The following PTPRD variants were observed in gnomAD, a reference collection of about 807,000 sequenced individuals.
PTPRD encodes receptor-type tyrosine-protein phosphatase delta.
PTPRD carries 34 observed loss-of-function variants against 214.5 expected under a neutral mutation model. The observed-to-expected ratio is 0.16, with a 90% confidence interval of 0.12 to 0.21. PTPRD has a LOEUF of 0.21. PTPRD is among the 10% of genes least tolerant of loss of function. PTPRD has a pLI of 1.00. For missense variants in PTPRD, 2,545 were observed against 2,398.7 expected, an observed-to-expected ratio of 1.06 and a Z score of -1.27; for synonymous variants, 1,128 against 845.7, an observed-to-expected ratio of 1.33 and a Z score of -5.79.
rs971169069 is a variant in PTPRD at position 10,097,350 on chromosome 9, T to C, written c.-544-63560A>G. Among the ~76,000 whole-genome samples the C allele has an allele frequency of 6.2e-5, 8 of 128,110 alleles. No individual in the cohort carries two copies. The South Asian group carries it at 1.2e-3, about 19-fold the overall frequency. The allele number at this position is 128,110 out of a possible 152,430, so 84.0% of individuals were successfully genotyped here. A position where few individuals can be genotyped will look rare whatever the true frequency, so the allele number is the denominator to read the frequency against. On this transcript the variant is annotated intron_variant, in intron 3 of 45. Coordinates refer to ENST00000381196, the MANE Select transcript of PTPRD (RefSeq NM_002839.4). ...GGGCAGTATGGCCATTTTCACAACA[T>C]TGATTCTTCCTACCCATGAGCATGG...
intron 5 of PTPRD, among the ~76,000 whole-genome samples, chr9:9,885,216 T>A (rs1469951035): frequency 2.0e-5 from 3 of 152,030 alleles, no homozygotes; most frequent in South Asian, 4.1e-4. Flanking sequence ...AGTATTAATA[T>A]ATTGAATAAA....
At chr9:9,823,419 T>A (rs1162862752) in intron 5 of PTPRD, among the ~76,000 whole-genome samples, 1 of 152,052 alleles carries the variant, frequency 6.6e-6, no homozygotes, top group East Asian at 1.9e-4. Context: ...CCTGGAGGGA[T>A]CTGTCCCCAT....
At chr9:9,052,109 G>C (rs909596113) in intron 10 of PTPRD, among the ~76,000 whole-genome samples, 2 of 152,174 alleles carry the variant, frequency 1.3e-5, no homozygotes, top group African/African-American at 4.8e-5. Context: ...GTGGTGTGGT[G>C]TTGTTACAGC....
intron 6 of PTPRD, among the ~76,000 whole-genome samples, chr9:9,742,602 G>C (rs548357665): frequency 4.0e-5 from 6 of 151,850 alleles, no homozygotes; most frequent in East Asian, 1.9e-4. Context: ...AAACTTTGAG[G>C]TCATCAGAGA....
Position 9,950,948 on chromosome 9 carries a change from G to C in PTPRD, c.-471-12338C>G, listed in dbSNP as rs538398018. On this transcript the variant is annotated intron_variant, in intron 4 of 45. Transcript: ENST00000381196. ...GTTAAAGCATTTGAAATCAGGCATA[G>C]CAGCAGAAAGCTGACTCTAAGAATA... 2.2e-4 allele frequency among the ~76,000 whole-genome samples: 33 copies of C among 152,232 alleles called. 1 individual carries two copies. The South Asian group carries it at 6.6e-3, about 31-fold the overall frequency.
At chr9:10,176,248 A>C (rs757337683) in intron 3 of PTPRD, among the ~76,000 whole-genome samples, 5 of 151,822 alleles carry the variant, frequency 3.3e-5, no homozygotes, top group Non-Finnish European at 7.4e-5. Context: ...TTTTTATATA[A>C]ATTTTTTTTC....
intron 2 of PTPRD, among the ~76,000 whole-genome samples, chr9:10,601,611 T>G (rs1316974250): frequency 1.3e-5 from 2 of 151,804 alleles, no homozygotes; most frequent in Non-Finnish European, 2.9e-5. Flanking sequence ...ACTTTGGACC[T>G]GAATTTTATA....
intron 35 of PTPRD, among the ~76,000 whole-genome samples, chr9:8,411,275 T>C (rs972669659): frequency 6.6e-6 from 1 of 151,916 alleles, no homozygotes; most frequent in East Asian, 1.9e-4. Flanking sequence ...TTTTACTATA[T>C]ACTTTTTTAA....
At chr9:9,676,518 G>A (rs1416583376) in intron 7 of PTPRD, among the ~76,000 whole-genome samples, 2 of 151,944 alleles carry the variant, frequency 1.3e-5, no homozygotes, top group Non-Finnish European at 2.9e-5. Context: ...TCTTAATCCA[G>A]TCTACCATTG....
At chr9:8,398,312 G>C (rs905443824) in intron 36 of PTPRD, among the ~76,000 whole-genome samples, 5 of 152,108 alleles carry the variant, frequency 3.3e-5, no homozygotes, top group African/African-American at 9.7e-5. Flanking sequence ...AGGAAAGCAA[G>C]GCTCAGCAAC....
At chr9:10,461,060 A>G (rs1167278507) in intron 2 of PTPRD, among the ~76,000 whole-genome samples, 1 of 152,110 alleles carries the variant, frequency 6.6e-6, no homozygotes, top group Non-Finnish European at 1.5e-5. Context: ...GAAATATATA[A>G]CCTGATTAAA....
chr9:8,517,124 G>A (rs1360696921), intron 21 of PTPRD, among the ~76,000 whole-genome samples: 7 of 150,480 alleles, frequency 4.7e-5, no homozygotes, highest in Non-Finnish European at 1.0e-4. Context: ...AACTTTAGAA[G>A]AGGCCTGTTA....
At chr9:8,683,752 C>T (rs1409440823) in intron 12 of PTPRD, among the ~76,000 whole-genome samples, 1 of 152,166 alleles carries the variant, frequency 6.6e-6, no homozygotes, top group Non-Finnish European at 1.5e-5. Context: ...ATGTGAGTTC[C>T]CAGCTAAGTC....
At chr9:10,368,377 T>C (rs1172912378) in intron 2 of PTPRD, among the ~76,000 whole-genome samples, 1 of 152,150 alleles carries the variant, frequency 6.6e-6, no homozygotes, top group Non-Finnish European at 1.5e-5. Context: ...GAGACAGTGA[T>C]GACACCTTAC....
At position 9,157,801 on chromosome 9, in the gene PTPRD, T is replaced by C. The variant is rs2099882558; in HGVS notation, c.-143+25503A>G. On this transcript the variant is annotated intron_variant, in intron 10 of 45. Transcript: ENST00000381196. ...GTAAACGTGTGCCACGGTGGTTTACTACACAGATCATCCCATTACCCAGGT... is the reference window on the plus strand; with the variant it reads ...GTAAACGTGTGCCACGGTGGTTTACCACACAGATCATCCCATTACCCAGGT... 2.6e-5 allele frequency among the ~76,000 whole-genome samples: 4 copies of C among 152,334 alleles called. No homozygotes were observed. In the South Asian group the frequency reaches 8.3e-4, roughly 32 times the overall value.
intron 11 of PTPRD, among the ~76,000 whole-genome samples, chr9:8,872,384 CT>C (rs1443820061): frequency 6.6e-6 from 1 of 152,202 alleles, no homozygotes; most frequent in African/African-American, 2.4e-5. Context: ...GACTTCTCTG[CT>C]CAATGTTGTT....
intron 12 of PTPRD, among the ~76,000 whole-genome samples, chr9:8,697,831 G>A (rs1260997115): frequency 2.0e-5 from 3 of 152,028 alleles, no homozygotes; most frequent in Non-Finnish European, 4.4e-5. Flanking sequence ...TTGGTGGGAA[G>A]AATAAACAAC....
intron 5 of PTPRD, among the ~76,000 whole-genome samples, chr9:9,876,092 T>C (rs2066775669): frequency 6.6e-6 from 1 of 152,080 alleles, no homozygotes; most frequent in African/African-American, 2.4e-5. Flanking sequence ...AGATGGGCCA[T>C]GCATAGGCCA....
At chr9:8,991,200 C>T (rs1291609655) in intron 11 of PTPRD, among the ~76,000 whole-genome samples, 1 of 138,660 alleles carries the variant, frequency 7.2e-6, no homozygotes, top group Non-Finnish European at 1.5e-5. Flanking sequence ...GCCTGGGTGA[C>T]AGAGTGACAC....
Sources: allele counts gnomAD v4.1 joint callset (sites outside exome capture counted in the v4.1 genomes callset), GRCh38; gene constraint gnomAD v4.1.1; transcripts MANE v1.5; gene names NCBI Gene and HGNC (gene_info 2026-07-23, HGNC 2026-07-21).